GNAT2: variants seen among roughly 807,000 people sequenced by gnomAD.
GNAT2 encodes the protein guanine nucleotide-binding protein G(t) subunit alpha-2.
Under a neutral mutation model 40.9 loss-of-function variants are expected in GNAT2, and 32 were observed. That is an observed-to-expected ratio of 0.78 (90% CI 0.59 to 1.05). The LOEUF is 1.05. GNAT2 is among the 50% of genes least tolerant of loss of function. The probability of loss-of-function intolerance (pLI) is 0.00; values close to 1 mark genes in which losing one functional copy is unlikely to be tolerated. For missense variants in GNAT2, 355 were observed against 431.5 expected (o/e 0.82, Z 1.57); for synonymous variants, 141 against 157.2 (o/e 0.90, Z 0.77).
intron 8 of GNAT2, 31 bp downstream of exon 8, chr1:109,603,920 A>C (rs1413359045): frequency 1.4e-6 from 2 of 1,481,180 alleles, no homozygotes; most frequent in African/African-American, 2.8e-5. Flanking sequence ...ACTAAAAGGC[A>C]TTATTATTAT....
intron 2 of GNAT2, 27 bp downstream of exon 2, chr1:109,612,726 T>C: frequency 7.4e-7 from 1 of 1,356,002 alleles, no homozygotes; most frequent in Non-Finnish European, 1.1e-6. Context: ...CCCTGCCTTC[T>C]CTGGCTCATC....
Position 109,603,658 on chromosome 1 carries a change from G to T in GNAT2, c.875-114C>A, listed in dbSNP as rs182046525. The T allele has an allele frequency of 1.4e-4, 111 of 775,954 alleles. No individual in the cohort carries two copies. The African/African-American group carries it at 1.7e-3, about 12-fold the overall frequency. 48.1% of individuals were successfully genotyped at this position (775,954 alleles called of 1,614,324 possible). A position where few individuals can be genotyped will look rare whatever the true frequency, so the allele number is the denominator to read the frequency against. The stretch of plus-strand genomic sequence containing the variant: ...AATGTTATTAGACAACAGCAGTTGG[G>T]GGCCTATTTTTGGAGGGAAGATTCT... On this transcript the variant is annotated intron_variant, in intron 8 of 8. Transcript: ENST00000679935.
chr1:109,606,102 G>A lies in GNAT2; in HGVS notation c.591-3C>T, dbSNP rs200705508. The A allele has an allele frequency of 6.2e-7, 1 of 1,614,068 alleles. No individual in the cohort carries two copies. The highest frequency in any genetic ancestry group is 2.2e-5 in the East Asian group (1 of 44,888). The stretch of plus-strand genomic sequence containing the variant: ...TCTGCCCTCCCACATCAAACATCCT[G>A]AGGGAAGAAGCAGCTATTTTCATAG... On this transcript the variant is annotated splice_region_variant and splice_polypyrimidine_tract_variant and intron_variant, in intron 6 of 8. Coordinates refer to ENST00000679935, the MANE Select transcript of GNAT2 (RefSeq NM_001377295.2).
At chr1:109,611,872 G>C (rs906630961) in intron 2 of GNAT2, 1 of 152,254 alleles carries the variant, frequency 6.6e-6, no homozygotes, top group Admixed American at 6.5e-5. Context: ...TGGGGGAAAA[G>C]AAGGTGCCTT....
intron 2 of GNAT2, chr1:109,612,252 A>T (rs1649817995): frequency 5.1e-6 from 1 of 194,540 alleles, no homozygotes. Context: ...CTACTTCCAA[A>T]GTTTTTACTG....
At chr1:109,613,200 G>T (rs1370503299) in intron 1 of GNAT2, 2 of 361,380 alleles carry the variant, frequency 5.5e-6, no homozygotes, top group Non-Finnish European at 1.1e-5. Flanking sequence ...CTAGGGAAAT[G>T]ATCTGCTGGG....
intron 3 of GNAT2, 50 bp from the exon 4 acceptor site, chr1:109,610,231 T>C: frequency 6.3e-7 from 1 of 1,595,544 alleles, no homozygotes. Context: ...TAACCAGACC[T>C]AAGGGATTAG....
chr1:109,606,769 G>A, intron 5 of GNAT2: 1 of 331,090 alleles, frequency 3.0e-6, no homozygotes, highest in Non-Finnish European at 5.8e-6. Context: ...TCAAGAGGCA[G>A]TAAATTGAAA....
chr1:109,607,262 T>C (rs946548032), intron 5 of GNAT2: 7 of 151,776 alleles, frequency 4.6e-5, no homozygotes, highest in Admixed American at 2.6e-4. Flanking sequence ...CCATCCTGGC[T>C]AACACGGTGA....
At chr1:109,615,292 G>C (rs182508847) in intron 1 of GNAT2, 1 of 152,116 alleles carries the variant, frequency 6.6e-6, no homozygotes. Context: ...ATGACCTGAG[G>C]TCAGGAGTTC....
intron 4 of GNAT2, chr1:109,609,416 T>TAAGGCC (rs1481804811): frequency 5.7e-6 from 1 of 175,704 alleles, no homozygotes; most frequent in Non-Finnish European, 1.2e-5. Flanking sequence ...GAGGATTGCT[T>TAAGGCC]AAGGCCAGGA....
At chr1:109,615,107 A>G (rs982027277) in intron 1 of GNAT2, 17 of 152,380 alleles carry the variant, frequency 1.1e-4, no homozygotes, top group African/African-American at 3.4e-4. Flanking sequence ...TATAATTAAT[A>G]ACTGCTGAAC....
chr1:109,605,922 TG>T (rs1157111235), intron 7 of GNAT2, 47 bp downstream of exon 7: 4 of 1,576,640 alleles, frequency 2.5e-6, no homozygotes, highest in Non-Finnish European at 3.5e-6. Context: ...GAAAGGGTCA[TG>T]GGGAGAACTT....
chr1:109,603,605 C>T, intron 8 of GNAT2, 61 bp from the exon 9 acceptor site: 1 of 1,086,306 alleles, frequency 9.2e-7, no homozygotes, highest in Non-Finnish European at 1.4e-6. Flanking sequence ...GTTGCTGACT[C>T]ACTTTAGGTG....
chr1:109,619,159 G>T (rs1467171761), intron 1 of GNAT2, among the ~76,000 whole-genome samples: 1 of 152,186 alleles, frequency 6.6e-6, no homozygotes, highest in Non-Finnish European at 1.5e-5. Context: ...GAATCAACCT[G>T]TGAGTGTCAA....
intron 5 of GNAT2, chr1:109,607,508 G>A (rs1649648731): frequency 6.6e-6 from 1 of 151,462 alleles, no homozygotes; most frequent in African/African-American, 2.4e-5. Flanking sequence ...GAGAGGAGGA[G>A]GGAAGTACAA....
At position 109,608,636 on chromosome 1, in the gene GNAT2, T is replaced by G; in HGVS notation, c.456A>C (p.Ala152=). The stretch of plus-strand genomic sequence containing the variant: ...CTCTCACCAGTCAGTCTTACTAAGA[T>G]GCGGAGTCATTAAGCTGGTATTCTG... ...RAAEYQLNDS[A]SYYLNQLERI... The change falls in exon 5 of 9, where the codon GCA becomes GCC. Residue 152 remains alanine (A), a synonymous_variant. Transcript: ENST00000679935. 3 of 1,613,748 alleles carry G rather than the reference T, an allele frequency of 1.9e-6. No individual in the cohort carries two copies. The highest frequency in any genetic ancestry group is 2.5e-6 in the Non-Finnish European group (3 of 1,179,658).
At position 109,612,898 on chromosome 1, in the gene GNAT2, C is replaced by T. The variant is rs1293910606; in HGVS notation, c.-28G>A. ...TTGCCGTCTTGTCAGCTTTTTCAGG[C>T]CCCTAATCCTCTCTCGTAAGGTTTC... On this transcript the variant is annotated 5_prime_UTR_variant, in exon 2 of 9. Transcript: ENST00000679935. 1 of 1,395,372 alleles carries T rather than the reference C, an allele frequency of 7.2e-7. No individual in the cohort carries two copies. Among genetic ancestry groups the T allele is most frequent in the South Asian group, 1.2e-5 (1 of 86,738 alleles). 86.4% of individuals were successfully genotyped at this position (1,395,372 alleles called of 1,614,324 possible).
chr1:109,609,826 G>A, intron 4 of GNAT2: 1 of 573,072 alleles, frequency 1.7e-6, no homozygotes, highest in South Asian at 1.9e-5. Context: ...TAATTAGAAA[G>A]GTACCGTCTA....
Sources: allele counts gnomAD v4.1 joint callset (sites outside exome capture counted in the v4.1 genomes callset), GRCh38; gene constraint gnomAD v4.1.1; transcripts MANE v1.5; gene names NCBI Gene and HGNC (gene_info 2026-07-23, HGNC 2026-07-21).